Variants in USP34 observed in about 807,000 individuals in gnomAD.
USP34 encodes the protein ubiquitin carboxyl-terminal hydrolase 34.
A neutral mutation model predicts 460.3 loss-of-function variants in USP34; 70 were observed. That is an observed-to-expected ratio of 0.15 (90% CI 0.13 to 0.19). USP34 has a LOEUF of 0.19. Among genes scored for constraint, USP34 ranks in the 10% least tolerant of loss-of-function variants. The pLI, the probability that USP34 is intolerant of heterozygous loss-of-function variation, is 1.00. For synonymous variants in USP34, 1,647 were observed against 1,405.3 expected (o/e 1.17, Z -3.85); for missense variants, 3,985 against 4,236.2 (o/e 0.94, Z 1.65).
chr2:61,204,464 C>T (rs1687060293), intron 73 of USP34, 33 bp downstream of exon 73: 1 of 1,612,328 alleles, frequency 6.2e-7, no homozygotes, highest in South Asian at 1.1e-5. Context: ...AAATGCGAAC[C>T]ATATTGAAGT....
intron 21 of USP34, 99 bp downstream of exon 21, chr2:61,325,276 T>TAAAAAAAAAAAAAAAAAAAAAAAAAAA: frequency 1.7e-6 from 1 of 604,506 alleles, no homozygotes. Context: ...TAAATTAAAC[T>TAAAAAAAAAAAAAAAAAAAAAAAAAAA]AAAAAAAAAA....
chr2:61,327,967 G>C (rs565304126), intron 20 of USP34, among the ~76,000 whole-genome samples: 1 of 152,302 alleles, frequency 6.6e-6, no homozygotes, highest in African/African-American at 2.4e-5. Context: ...ATATTCTCTA[G>C]AGGGCACTGG....
At chr2:61,429,138 T>A (rs2053750) in intron 1 of USP34, among the ~76,000 whole-genome samples, 80,616 of 151,916 alleles carry the variant, frequency 0.53, 21,691 homozygotes, top group South Asian at 0.73. Flanking sequence ...CTATCTCTAC[T>A]AAACAAATTT....
intron 51 of USP34, 35 bp downstream of exon 51, chr2:61,245,175 A>G (rs1246963543): frequency 7.1e-6 from 11 of 1,548,276 alleles, no homozygotes; most frequent in Non-Finnish European, 9.8e-6. Context: ...ACTTGGAAGG[A>G]CACAAACCAT....
intron 23 of USP34, among the ~76,000 whole-genome samples, chr2:61,316,346 A>C (rs1380611106): frequency 6.6e-6 from 1 of 152,190 alleles, no homozygotes; most frequent in Admixed American, 6.5e-5. Context: ...GCACTTTGGG[A>C]GGCCAAGGCG....
chr2:61,239,714 G>C (rs1005340226), intron 53 of USP34, among the ~76,000 whole-genome samples: 1 of 152,090 alleles, frequency 6.6e-6, no homozygotes, highest in African/African-American at 2.4e-5. Context: ...CACATGTGCA[G>C]GCAAGATACT....
rs1368854971 is a variant in USP34 at position 61,246,386 on chromosome 2, A to C, written c.6486T>G (p.Gly2162=). 1 of 1,611,148 alleles carries C rather than the reference A, an allele frequency of 6.2e-7. No homozygotes were observed. Among genetic ancestry groups the C allele is most frequent in the Non-Finnish European group, 8.5e-7 (1 of 1,178,350 alleles). ...GVTVHTGTAD[G]GHYYSFIRDI... ...CTCTGATAAAGCTATAATAGTGTCC[A>C]CCATCTGCCGTTCCTGTGTGAACAG... Residue 2162 remains glycine (G), a synonymous_variant, in exon 50 of 80, where the codon GGT becomes GGG. Coordinates refer to ENST00000398571, the MANE Select transcript of USP34 (RefSeq NM_014709.4).
chr2:61,245,840 A>T (rs745831288), intron 50 of USP34, among the ~76,000 whole-genome samples: 10 of 152,158 alleles, frequency 6.6e-5, no homozygotes, highest in Non-Finnish European at 1.2e-4. Context: ...TATAGGCCAG[A>T]CCCTACCTAA....
intron 3 of USP34, among the ~76,000 whole-genome samples, chr2:61,395,825 G>A: frequency 6.6e-6 from 1 of 151,434 alleles, no homozygotes; most frequent in East Asian, 1.9e-4. Context: ...CAGCACTTTG[G>A]GAGGCCGAGG....
chr2:61,445,222 TAAAAAAA>T (rs57854651), intron 1 of USP34, among the ~76,000 whole-genome samples: 5 of 40,646 alleles, frequency 1.2e-4, no homozygotes, highest in East Asian at 1.6e-3. Flanking sequence ...AGAACCACAC[TAAAAAAA>T]AAAAAAAAAA....
chr2:61,313,359 A>G (rs1346612354), intron 25 of USP34, among the ~76,000 whole-genome samples: 2 of 152,174 alleles, frequency 1.3e-5, no homozygotes, highest in African/African-American at 4.8e-5. Context: ...AAGACTTAAA[A>G]TAAGCACTTA....
chr2:61,260,005 AT>A (rs1176359446), intron 43 of USP34, among the ~76,000 whole-genome samples: 1 of 152,256 alleles, frequency 6.6e-6, no homozygotes. Flanking sequence ...CGAAGAGAGA[AT>A]TTTAAAAATC....
chr2:61,264,887 C>G (rs1689001123), intron 43 of USP34, among the ~76,000 whole-genome samples: 2 of 151,738 alleles, frequency 1.3e-5, no homozygotes, highest in South Asian at 4.2e-4. Flanking sequence ...CAAAAATAGC[C>G]CACGGTAAAA....
chr2:61,223,558 G>T (rs1236302745), intron 62 of USP34: 6 of 344,008 alleles, frequency 1.7e-5, no homozygotes, highest in South Asian at 6.3e-5. Context: ...AGTAGGATGG[G>T]TCTTATTTTA....
At chr2:61,439,705 C>A (rs147365147) in intron 1 of USP34, among the ~76,000 whole-genome samples, 106 of 152,296 alleles carry the variant, frequency 7.0e-4, no homozygotes, top group African/African-American at 2.5e-3. Flanking sequence ...TCTAAGAGAA[C>A]AGACTTGCTG....
intron 8 of USP34, among the ~76,000 whole-genome samples, chr2:61,371,621 A>T (rs1340348623): frequency 1.3e-5 from 2 of 152,186 alleles, no homozygotes. Context: ...TTAATTTAAT[A>T]GTGAAGAAAA....
intron 25 of USP34, among the ~76,000 whole-genome samples, chr2:61,313,859 C>T (rs1416257202): frequency 1.3e-5 from 2 of 151,994 alleles, no homozygotes; most frequent in Non-Finnish European, 2.9e-5. Context: ...ATAAATATCA[C>T]TTGTATCACT....
At chr2:61,227,034 T>A (rs780874501) in intron 62 of USP34, 33 bp downstream of exon 62, 1 of 1,560,800 alleles carries the variant, frequency 6.4e-7, no homozygotes, top group Non-Finnish European at 8.6e-7. Context: ...AAACCAAACA[T>A]GCTTTAAACA....
chr2:61,218,986 AGT>A, intron 67 of USP34, among the ~76,000 whole-genome samples: 2 of 152,288 alleles, frequency 1.3e-5, no homozygotes, highest in East Asian at 3.9e-4. Flanking sequence ...ATACTCAATG[AGT>A]GAGGAATTAA....
Sources: allele counts gnomAD v4.1 joint callset (sites outside exome capture counted in the v4.1 genomes callset), GRCh38; gene constraint gnomAD v4.1.1; transcripts MANE v1.5; gene names NCBI Gene and HGNC (gene_info 2026-07-23, HGNC 2026-07-21).